Variants in TNPO3 observed in about 807,000 individuals in gnomAD.
TNPO3 encodes the protein transportin-3.
In TNPO3, 65 loss-of-function variants were observed where a neutral mutation model predicts 122.8. That is an observed-to-expected ratio of 0.53 (90% confidence interval 0.43 to 0.65). TNPO3 has a LOEUF of 0.65. Among genes scored for constraint, TNPO3 ranks in the 30% least tolerant of loss-of-function variants. The probability of loss-of-function intolerance (pLI) is 0.00; values close to 1 mark genes in which losing one functional copy is unlikely to be tolerated. For synonymous variants in TNPO3, 372 were observed against 411.2 expected (o/e 0.90, Z 1.15); for missense variants, 850 against 1,136.7 (o/e 0.75, Z 3.63).
At chr7:129,014,344 G>A (rs1321286886) in intron 4 of TNPO3, among the ~76,000 whole-genome samples, 2 of 152,150 alleles carry the variant, frequency 1.3e-5, no homozygotes. Flanking sequence ...GCAACATGGA[G>A]AGACACCATC....
intron 11 of TNPO3, among the ~76,000 whole-genome samples, chr7:128,988,661 TAAAAC>T (rs1323906726): frequency 1.3e-5 from 2 of 152,094 alleles, no homozygotes; most frequent in South Asian, 4.2e-4. Flanking sequence ...CTGAAGGTAT[TAAAAC>T]AAACAAATCT....
rs1021702669 is a variant in TNPO3, at chr7:129,005,306, T to C, written c.553-147A>G. ...GCTTTTTAAGTTTAAGTGTCACTGTTTTTTTTTTTTCCTTTTAAGAGAGAG... is the reference window on the plus strand; with the variant it reads ...GCTTTTTAAGTTTAAGTGTCACTGTCTTTTTTTTTTCCTTTTAAGAGAGAG... On this transcript the variant is annotated intron_variant, in intron 4 of 22. Transcript: ENST00000265388. The C allele has an allele frequency of 5.4e-5, 21 of 389,248 alleles. No homozygotes were observed. In the Admixed American group the frequency reaches 9.7e-4, roughly 18 times the overall value. The allele number at this position is 389,248 out of a possible 1,614,324, so 24.1% of individuals were successfully genotyped here.
chr7:129,007,283 A>G (rs1288791836), intron 4 of TNPO3, among the ~76,000 whole-genome samples: 1 of 152,220 alleles, frequency 6.6e-6, no homozygotes, highest in Admixed American at 6.5e-5. Flanking sequence ...GTCTGGCTTC[A>G]AAGTCTATGA....
At chr7:128,969,016 G>C (rs1163214217) in intron 20 of TNPO3, among the ~76,000 whole-genome samples, 1 of 151,946 alleles carries the variant, frequency 6.6e-6, no homozygotes, top group Non-Finnish European at 1.5e-5. Flanking sequence ...ATGAGCCATT[G>C]TGTCTGGCTG....
chr7:129,013,020 T>C (rs543094721), intron 4 of TNPO3, among the ~76,000 whole-genome samples: 47 of 152,336 alleles, frequency 3.1e-4, no homozygotes, highest in South Asian at 1.7e-3. Context: ...TTAAAAAATG[T>C]GTATTAGCTC....
intron 10 of TNPO3, 62 bp from the exon 11 acceptor site, chr7:128,990,162 A>C: frequency 6.3e-7 from 1 of 1,591,998 alleles, no homozygotes; most frequent in South Asian, 1.1e-5. Flanking sequence ...TGGCCAAATA[A>C]CAGGCTGTGA....
chr7:128,975,964 T>A (rs758928356), intron 16 of TNPO3, 29 bp from the exon 17 acceptor site: 19 of 1,484,114 alleles, frequency 1.3e-5, no homozygotes, highest in Non-Finnish European at 1.8e-5. Context: ...ATTAGTTCAA[T>A]GCTTCGTCCT....
At chr7:129,033,900 T>A (rs1260920619) in intron 1 of TNPO3, among the ~76,000 whole-genome samples, 6 of 104,298 alleles carry the variant, frequency 5.8e-5, no homozygotes, top group African/African-American at 7.5e-5. Flanking sequence ...GCAACAGAGC[T>A]AAACTCAAAA....
chr7:128,957,187 A>G, intron 22 of TNPO3, 37 bp downstream of exon 22: 1 of 1,570,034 alleles, frequency 6.4e-7, no homozygotes, highest in South Asian at 1.1e-5. Flanking sequence ...CAACAGTCCG[A>G]CAGTCCGGAC....
intron 5 of TNPO3, among the ~76,000 whole-genome samples, chr7:129,003,811 G>A (rs1170157919): frequency 2.0e-5 from 3 of 152,168 alleles, no homozygotes; most frequent in Non-Finnish European, 4.4e-5. Flanking sequence ...GATCAGTAGA[G>A]GAGATAATAT....
intron 15 of TNPO3, 25 bp downstream of exon 15, chr7:128,979,946 T>A (rs1563091983): frequency 1.2e-6 from 2 of 1,610,802 alleles, no homozygotes; most frequent in Middle Eastern, 1.7e-4. Flanking sequence ...AAGCCTTGAT[T>A]CCACAAGCAT....
chr7:128,968,781 G>T (rs1466418116), intron 20 of TNPO3, among the ~76,000 whole-genome samples: 1 of 152,102 alleles, frequency 6.6e-6, no homozygotes, highest in Non-Finnish European at 1.5e-5. Flanking sequence ...CATGATCATA[G>T]CTCACTGCAG....
chr7:128,989,187 T>C (rs569485511), intron 11 of TNPO3, among the ~76,000 whole-genome samples: 19 of 152,312 alleles, frequency 1.2e-4, no homozygotes, highest in African/African-American at 4.6e-4. Context: ...TTTTAGCATG[T>C]GTTTCAGTCA....
At chr7:129,000,906 C>G (rs1360351969) in intron 6 of TNPO3, among the ~76,000 whole-genome samples, 153 bp downstream of exon 6, 1 of 152,200 alleles carries the variant, frequency 6.6e-6, no homozygotes, top group Non-Finnish European at 1.5e-5. Context: ...ACTCTAGGTT[C>G]AGAAGAGCAT....
intron 11 of TNPO3, among the ~76,000 whole-genome samples, chr7:128,987,415 T>C (rs1211399079): frequency 1.3e-5 from 2 of 152,236 alleles, no homozygotes; most frequent in Non-Finnish European, 1.5e-5. Context: ...GATGAATCTT[T>C]AGCACTTCTA....
At chr7:129,019,986 C>T (rs1804279819) in intron 1 of TNPO3, among the ~76,000 whole-genome samples, 1 of 151,436 alleles carries the variant, frequency 6.6e-6, no homozygotes. Flanking sequence ...AGAGTGAGAC[C>T]CTAAAAAAAC....
intron 20 of TNPO3, among the ~76,000 whole-genome samples, chr7:128,968,621 T>C (rs1798152061): frequency 1.3e-5 from 2 of 152,226 alleles, no homozygotes; most frequent in African/African-American, 4.8e-5. Context: ...AGCAAAAGTA[T>C]TATAAATGCT....
rs761707470 is a variant in TNPO3 at position 128,972,599 on chromosome 7, G to A, written c.2274-17C>T. ...TGAATAAACCTGGTGTGGAAAGTGA[G>A]ACTAGGTATAAATGACAAGATTAGG... On this transcript the variant is annotated splice_polypyrimidine_tract_variant and intron_variant, in intron 18 of 22. Coordinates refer to ENST00000265388, the MANE Select transcript of TNPO3 (RefSeq NM_012470.4). 2.5e-6 allele frequency: 4 copies of A among 1,610,896 alleles called. No individual in the cohort carries two copies. Among genetic ancestry groups the A allele is most frequent in the Admixed American group, 3.4e-5 (2 of 59,620 alleles).
At chr7:129,007,034 G>A (rs1802651111) in intron 4 of TNPO3, among the ~76,000 whole-genome samples, 1 of 152,106 alleles carries the variant, frequency 6.6e-6, no homozygotes, top group South Asian at 2.1e-4. Context: ...CATTTCAGGG[G>A]GAGGAAGAAA....
Sources: gnomAD v4.1 joint callset for allele counts (sites outside exome capture counted in the v4.1 genomes callset) on GRCh38, gnomAD v4.1.1 for gene constraint, MANE v1.5 for transcripts, NCBI Gene and HGNC (gene_info 2026-07-23, HGNC 2026-07-21) for gene names.